Variants in DMXL2 observed in about 807,000 individuals in gnomAD.
DMXL2 encodes the protein dmX-like protein 2.
Under a neutral mutation model 331.1 loss-of-function variants are expected in DMXL2, and 103 were observed. The observed-to-expected ratio is 0.31, with a 90% CI of 0.27 to 0.37. The LOEUF (loss-of-function observed/expected upper bound fraction) is 0.37. Among genes scored for constraint, DMXL2 ranks in the 10% least tolerant of loss-of-function variants. DMXL2 has a pLI of 1.00. For synonymous variants in DMXL2, 1,281 were observed against 1,252.1 expected, an observed-to-expected ratio of 1.02 and a Z score of -0.49; for missense variants, 3,171 against 3,642.9, an observed-to-expected ratio of 0.87 and a Z score of 3.33.
intron 37 of DMXL2, among the ~76,000 whole-genome samples, chr15:51,457,071 T>C (rs1046685335): frequency 2.0e-5 from 3 of 151,676 alleles, no homozygotes; most frequent in Non-Finnish European, 2.9e-5. Flanking sequence ...ACTTGGGAGG[T>C]TGAGATGGAA....
chr15:51,575,948 G>T, intron 2 of DMXL2, 108 bp downstream of exon 2: 1 of 1,129,824 alleles, frequency 8.9e-7, no homozygotes, highest in Non-Finnish European at 1.3e-6. Flanking sequence ...AATCACCCAA[G>T]CAATACATAA....
chr15:51,508,018 C>T (rs1174982502), intron 15 of DMXL2, among the ~76,000 whole-genome samples: 1 of 152,072 alleles, frequency 6.6e-6, no homozygotes, highest in African/African-American at 2.4e-5. Context: ...ATAATGACAA[C>T]ATATTGGTAA....
intron 16 of DMXL2, among the ~76,000 whole-genome samples, chr15:51,505,134 A>C (rs2043968793): frequency 6.6e-6 from 1 of 152,230 alleles, no homozygotes; most frequent in African/African-American, 2.4e-5. Context: ...AATTTAAACC[A>C]ATCATTTATC....
chr15:51,555,466 A>G (rs1242940983), intron 6 of DMXL2, among the ~76,000 whole-genome samples: 1 of 152,134 alleles, frequency 6.6e-6, no homozygotes, highest in African/African-American at 2.4e-5. Context: ...GGCATCAGAA[A>G]TCTTAAGACT....
intron 41 of DMXL2, chr15:51,453,312 T>C: frequency 5.8e-6 from 2 of 345,308 alleles, no homozygotes; most frequent in Non-Finnish European, 1.0e-5. Flanking sequence ...GTGTTAACAG[T>C]AGTAGTTTAA....
At chr15:51,590,087 C>G (rs2052177757) in intron 1 of DMXL2, among the ~76,000 whole-genome samples, 1 of 152,192 alleles carries the variant, frequency 6.6e-6, no homozygotes, top group African/African-American at 2.4e-5. Context: ...ACCACGTGAT[C>G]AACAGTATAA....
In DMXL2 at chr15:51,526,653, T is replaced by C. The variant is rs547971404; in HGVS notation, c.2436+9010A>G. On this transcript the variant is annotated intron_variant, in intron 13 of 43. Transcript: ENST00000560891. The stretch of plus-strand genomic sequence containing the variant: ...TGAGGAAACTCAAAGAAATTCAAGA[T>C]AACACAGACAACAAATTCAGAATTC... Among the ~76,000 whole-genome samples, 16 of 152,226 alleles carry C rather than the reference T, an allele frequency of 1.1e-4. No individual in the cohort carries two copies. The East Asian group carries it at 3.1e-3, about 29-fold the overall frequency.
chr15:51,576,178 A>G lies in DMXL2; in HGVS notation c.91T>C (p.Tyr31His). The change falls in exon 2 of 44, where the codon TAT (tyrosine) becomes CAT (histidine). Residue 31 changes from tyrosine to histidine, a missense_variant. Tyr to His is a moderately conservative substitution (Grantham distance 83). Around this residue, in one of 7 missense-constraint regions of DMXL2, gnomAD observed 1,674 missense variants for 1,780.2 expected, o/e 0.94. Transcript: ENST00000560891. ...ATAACAATATCACAGCCTGATCCAT[A>G]TGCCTAAAAAAAAAAAAAAAAAAAA... ...GSVGDVPFTA[Y>H]GSGCDIVILA... is the part of the protein sequence containing the mutation. 1.5e-6 allele frequency: 2 copies of G among 1,351,996 alleles called. No individual in the cohort carries two copies. The highest frequency in any genetic ancestry group is 1.9e-6 in the Non-Finnish European group (2 of 1,027,318). 83.7% of individuals were successfully genotyped at this position (1,351,996 alleles called of 1,614,324 possible).
chr15:51,538,889 T>C (rs1250495773), intron 9 of DMXL2, among the ~76,000 whole-genome samples: 4 of 152,202 alleles, frequency 2.6e-5, no homozygotes, highest in Non-Finnish European at 5.9e-5. Context: ...TACACCATGA[T>C]AGGTGTAACT....
chr15:51,506,733 G>GC (rs2046426031), intron 16 of DMXL2, among the ~76,000 whole-genome samples: 1 of 152,102 alleles, frequency 6.6e-6, no homozygotes, highest in Non-Finnish European at 1.5e-5. Flanking sequence ...GATTACAGGC[G>GC]TGAGCCACCG....
Position 51,499,781 on chromosome 15 carries a change from T to C in DMXL2, c.3443A>G (p.Tyr1148Cys), listed in dbSNP as rs753677132. ...RVSVDSNLFV[Y>C]SKSDALLSKD... ...GCTCAAGAGTGCATCTGACTTGCTATACACAAACAGATTACTGTCGACGCT... is the reference window on the plus strand; with the variant it reads ...GCTCAAGAGTGCATCTGACTTGCTACACACAAACAGATTACTGTCGACGCT... The change falls in exon 18 of 44, where the codon TAT (tyrosine) becomes TGT (cysteine). Residue 1148 changes from tyrosine to cysteine, a missense_variant. Tyr to Cys is a radical substitution (Grantham distance 194). This residue lies in a region of DMXL2 where 1,674 missense variants were observed against 1,780.2 expected (regional missense o/e 0.94). Coordinates refer to ENST00000560891, the MANE Select transcript of DMXL2 (RefSeq NM_001378457.1). The C allele has an allele frequency of 5.0e-6, 8 of 1,614,170 alleles. No individual in the cohort carries two copies. Among genetic ancestry groups the C allele is most frequent in the Non-Finnish European group, 6.8e-6 (8 of 1,180,028 alleles).
At chr15:51,476,265 GA>G (rs1384110407) in intron 27 of DMXL2, among the ~76,000 whole-genome samples, 1 of 152,072 alleles carries the variant, frequency 6.6e-6, no homozygotes, top group Non-Finnish European at 1.5e-5. Context: ...GTATGTCTGT[GA>G]AAATATGTCT....
intron 1 of DMXL2, among the ~76,000 whole-genome samples, chr15:51,617,685 C>T (rs17525214): frequency 0.022 from 3,296 of 152,244 alleles, 52 homozygotes; most frequent in Non-Finnish European, 0.035. Flanking sequence ...AATTTTCATT[C>T]GTGGTCTAAA....
In DMXL2 at chr15:51,545,964, C is replaced by T. The variant is rs8031903; in HGVS notation, c.747-198G>A. On this transcript the variant is annotated intron_variant, in intron 7 of 43. Transcript: ENST00000560891. ...CGGGAAATTGTTTTGAAAAAAGAAA[C>T]AGAAATTACTGCCAGATTATACATT... Among the ~76,000 whole-genome samples the T allele has an allele frequency of 0.5, 76,541 of 151,880 alleles. 19,477 individuals carry two copies. Among genetic ancestry groups the T allele is most frequent in the Non-Finnish European group, 0.52 (35,324 of 67,904 alleles).
intron 18 of DMXL2, among the ~76,000 whole-genome samples, chr15:51,495,802 T>C (rs1399852625): frequency 6.6e-6 from 1 of 151,898 alleles, no homozygotes; most frequent in Non-Finnish European, 1.5e-5. Flanking sequence ...ACTGACACTT[T>C]GGAAGTACTC....
chr15:51,576,521 C>T (rs1191384520), intron 1 of DMXL2, among the ~76,000 whole-genome samples: 1 of 152,156 alleles, frequency 6.6e-6, no homozygotes, highest in African/African-American at 2.4e-5. Context: ...AGTATAAAAG[C>T]TCCATCTAAA....
chr15:51,546,007 T>G (rs2048869809), intron 7 of DMXL2, among the ~76,000 whole-genome samples: 1 of 152,140 alleles, frequency 6.6e-6, no homozygotes, highest in African/African-American at 2.4e-5. Flanking sequence ...TAGAGGATTA[T>G]TAGTATCTCC....
At chr15:51,458,392 A>T in intron 36 of DMXL2, 114 bp downstream of exon 36, 1 of 1,135,466 alleles carries the variant, frequency 8.8e-7, no homozygotes, top group Non-Finnish European at 1.2e-6. Context: ...TTTGTCACCT[A>T]CCCAAATGAA....
At position 51,502,940 on chromosome 15, in the gene DMXL2, C is replaced by T; in HGVS notation, c.2858G>A (p.Ser953Asn). Residue 953 changes from serine to asparagine, a missense_variant, in exon 17 of 44, where the codon AGC becomes AAC. Coordinates refer to ENST00000560891, the MANE Select transcript of DMXL2 (RefSeq NM_001378457.1). ...DSSPETSPSV[S>N]PMPHSSSIAN... The stretch of plus-strand genomic sequence containing the variant: ...AATTGATGAAGAATGTGGCATGGGG[C>T]TCACACTAGGAGAGGTTTCTGGAGA... 1.2e-6 allele frequency: 2 copies of T among 1,614,046 alleles called. No individual in the cohort carries two copies. Among genetic ancestry groups the T allele is most frequent in the South Asian group, 2.2e-5 (2 of 91,072 alleles).
Sources: gnomAD v4.1 joint callset for allele counts (sites outside exome capture counted in the v4.1 genomes callset) on GRCh38, gnomAD v4.1.1 for gene constraint, gnomAD v4.1.1 regional missense constraint, MANE v1.5 for transcripts, NCBI Gene and HGNC (gene_info 2026-07-23, HGNC 2026-07-21) for gene names.